SRGAP2: variants seen among roughly 807,000 people sequenced by gnomAD.
SRGAP2 encodes the protein SLIT-ROBO Rho GTPase activating protein 2.
Under a neutral mutation model 57.2 loss-of-function variants are expected in SRGAP2, and 15 were observed. The ratio of observed to expected loss-of-function variants is 0.26; its 90% CI spans 0.18 to 0.40. The LOEUF (loss-of-function observed/expected upper bound fraction) is 0.40, where lower values mean the gene tolerates loss of function less well. Ranked by LOEUF, SRGAP2 falls within the 10% of genes least tolerant of loss-of-function variation. The pLI is 1.00. For missense variants in SRGAP2, 520 were observed against 669.6 expected, an observed-to-expected ratio of 0.78 and a Z score of 2.47; for synonymous variants, 249 against 248.0, an observed-to-expected ratio of 1.00 and a Z score of -0.04.
intron 2 of SRGAP2, among the ~76,000 whole-genome samples, chr1:206,217,611 A>G (rs372826728): frequency 1.3e-5 from 2 of 151,650 alleles, no homozygotes; most frequent in Admixed American, 1.3e-4. Context: ...GGTGCTTTAC[A>G]TATATGAACT....
At chr1:206,240,765 C>T (rs1668172729) in intron 2 of SRGAP2, among the ~76,000 whole-genome samples, 1 of 152,164 alleles carries the variant, frequency 6.6e-6, no homozygotes, top group Non-Finnish European at 1.5e-5. Context: ...TAACACAGGT[C>T]CTAGGAACTG....
Position 206,458,742 on chromosome 1 carries a change from C to T in SRGAP2, c.2627C>T (p.Ser876Phe). ...SPGVGASCRPSSQPIMSQSLP... is the reference protein window; with the variant it reads ...SPGVGASCRPFSQPIMSQSLP... ...GGGGTGGGGGCTAGCTGCCGCCCATCCTCCCAGCCCATCATGAGCCAGAGC... is the reference window on the plus strand; with the variant it reads ...GGGGTGGGGGCTAGCTGCCGCCCATTCTCCCAGCCCATCATGAGCCAGAGC... The change falls in exon 22 of 23, where the codon TCC (serine) becomes TTC (phenylalanine). Residue 876 changes from serine (S) to phenylalanine (F), a missense_variant. This residue lies in a region of SRGAP2 where 478 missense variants were observed against 373.6 expected (regional missense o/e 1.28). Coordinates refer to ENST00000573034, the MANE Select transcript of SRGAP2 (RefSeq NM_015326.5). The T allele has an allele frequency of 1.3e-6, 1 of 780,712 alleles. No homozygotes were observed. Among genetic ancestry groups the T allele is most frequent in the East Asian group, 2.4e-5 (1 of 41,240 alleles). 48.4% of individuals were successfully genotyped at this position (780,712 alleles called of 1,614,324 possible). A position where few individuals can be genotyped will look rare whatever the true frequency, so the allele number is the denominator to read the frequency against.
At chr1:206,341,352 G>A (rs1553335155) in intron 3 of SRGAP2, among the ~76,000 whole-genome samples, 1 of 152,218 alleles carries the variant, frequency 6.6e-6, no homozygotes, top group East Asian at 1.9e-4. Flanking sequence ...TGCAGTGAAT[G>A]ACAGTACTCG....
At chr1:206,437,877 G>T in intron 15 of SRGAP2, 87 bp from the exon 16 acceptor site, 5 of 751,106 alleles carry the variant, frequency 6.7e-6, no homozygotes, top group Non-Finnish European at 1.2e-5. Flanking sequence ...ACCAGGACAT[G>T]CATGGTTCAC....
intron 2 of SRGAP2, among the ~76,000 whole-genome samples, chr1:206,285,399 C>G (rs1670961682): frequency 6.6e-6 from 1 of 152,136 alleles, no homozygotes; most frequent in African/African-American, 2.4e-5. Context: ...AGGGAATGGT[C>G]CTTTTGCTCT....
chr1:206,332,765 T>C (rs1674459643), intron 3 of SRGAP2, among the ~76,000 whole-genome samples: 1 of 152,068 alleles, frequency 6.6e-6, no homozygotes, highest in South Asian at 2.1e-4. Flanking sequence ...TGTGCTCCTG[T>C]AGCTCAGAGT....
At chr1:206,418,419 C>T (rs999442044) in intron 11 of SRGAP2, among the ~76,000 whole-genome samples, 2 of 152,234 alleles carry the variant, frequency 1.3e-5, no homozygotes, top group Non-Finnish European at 2.9e-5. Flanking sequence ...CCTCCGCCAG[C>T]CCTTGGAGTT....
At chr1:206,247,264 A>G (rs1469239368) in intron 2 of SRGAP2, among the ~76,000 whole-genome samples, 2 of 152,120 alleles carry the variant, frequency 1.3e-5, no homozygotes, top group African/African-American at 4.8e-5. Context: ...TTCTGTGAAG[A>G]TACTGGTGAC....
chr1:206,312,972 A>G (rs1282163351), intron 3 of SRGAP2, among the ~76,000 whole-genome samples: 1 of 152,074 alleles, frequency 6.6e-6, no homozygotes, highest in Non-Finnish European at 1.5e-5. Flanking sequence ...TTTTTTTTTA[A>G]ATAGACTTGC....
At chr1:206,281,197 A>T in intron 2 of SRGAP2, among the ~76,000 whole-genome samples, 1 of 144,050 alleles carries the variant, frequency 6.9e-6, no homozygotes, top group East Asian at 2.0e-4. Context: ...TACAGTGTAA[A>T]ATGCTCCAGT....
At chr1:206,401,834 G>A (rs1449216804) in intron 8 of SRGAP2, among the ~76,000 whole-genome samples, 189 bp downstream of exon 8, 6 of 152,108 alleles carry the variant, frequency 3.9e-5, no homozygotes, top group Admixed American at 1.3e-4. Context: ...TCGGGCTTGG[G>A]TGCAGACATG....
At chr1:206,292,562 G>T (rs1671387709) in intron 2 of SRGAP2, among the ~76,000 whole-genome samples, 1 of 149,946 alleles carries the variant, frequency 6.7e-6, no homozygotes, top group Admixed American at 6.6e-5. Flanking sequence ...CATTGCCAAG[G>T]TTAATGAGCT....
intron 22 of SRGAP2, 102 bp from the exon 23 acceptor site, chr1:206,460,935 T>G (rs1553380282): frequency 5.0e-6 from 3 of 599,942 alleles, no homozygotes; most frequent in Middle Eastern, 8.1e-4. Context: ...TCTGGACATC[T>G]TACGGTCATT....
At chr1:206,208,698 C>A (rs1666115870) in intron 2 of SRGAP2, among the ~76,000 whole-genome samples, 1 of 152,158 alleles carries the variant, frequency 6.6e-6, no homozygotes, top group South Asian at 2.1e-4. Flanking sequence ...AGCCCTGGGT[C>A]AGAATTATTA....
intron 21 of SRGAP2, among the ~76,000 whole-genome samples, chr1:206,456,651 T>C (rs1663862021): frequency 6.6e-6 from 1 of 152,086 alleles, no homozygotes; most frequent in South Asian, 2.1e-4. Context: ...GTTAAGGTGG[T>C]TCCCTTGAAC....
At chr1:206,251,810 T>C (rs1185279194) in intron 2 of SRGAP2, among the ~76,000 whole-genome samples, 2 of 90,868 alleles carry the variant, frequency 2.2e-5, no homozygotes, top group Non-Finnish European at 4.2e-5. Context: ...ATTCAAGTGT[T>C]TCTCCTGCCT....
chr1:206,455,179 G>A (rs952860357), intron 21 of SRGAP2, 155 bp downstream of exon 21: 26 of 707,910 alleles, frequency 3.7e-5, no homozygotes, highest in African/African-American at 6.9e-5. Context: ...GCTGCAAGGC[G>A]GACAGGGCTG....
Position 206,435,675 on chromosome 1 carries a change from T to G in SRGAP2, c.1556-1290T>G, listed in dbSNP as rs1553369762. ...TGATTGCAGCCACAAGGCCTGAGTT[T>G]GAGTCATGGCCCTGGTTCTTACTTC... is the stretch of plus-strand genomic sequence containing the variant. On this transcript the variant is annotated intron_variant, in intron 14 of 22. Transcript: ENST00000573034. Among the ~76,000 whole-genome samples, 6 of 152,238 alleles carry G rather than the reference T, an allele frequency of 3.9e-5. No individual in the cohort carries two copies. In the East Asian group the frequency reaches 5.8e-4, roughly 15 times the overall value.
chr1:206,361,365 CCTT>C (rs1676903083), intron 4 of SRGAP2, among the ~76,000 whole-genome samples: 1 of 152,064 alleles, frequency 6.6e-6, no homozygotes, highest in Non-Finnish European at 1.5e-5. Flanking sequence ...TCCTGCATTA[CCTT>C]CTTGTGAATC....
Sources: allele counts gnomAD v4.1 joint callset (sites outside exome capture counted in the v4.1 genomes callset), GRCh38; gene constraint gnomAD v4.1.1; regional missense constraint gnomAD v4.1.1; transcripts MANE v1.5; gene names NCBI Gene and HGNC (gene_info 2026-07-23, HGNC 2026-07-21).